PRMT8: variants seen among roughly 807,000 people sequenced by gnomAD.
PRMT8 encodes the protein protein arginine N-methyltransferase 8.
A neutral mutation model predicts 47.1 loss-of-function variants in PRMT8; 7 were observed. That is an observed-to-expected ratio of 0.15 (90% CI 0.08 to 0.28). The LOEUF (loss-of-function observed/expected upper bound fraction) is 0.28, where lower values mean the gene tolerates loss of function less well. Among genes scored for constraint, PRMT8 ranks in the 10% least tolerant of loss-of-function variants. The pLI, the probability that PRMT8 is intolerant of heterozygous loss-of-function variation, is 1.00. For missense variants in PRMT8, 237 were observed against 505.4 expected (o/e 0.47, Z 5.09); for synonymous variants, 188 against 186.5 (o/e 1.01, Z -0.07).
Position 3,491,333 on chromosome 12 carries a change from C to T in PRMT8, c.-293C>T, listed in dbSNP as rs1591567738. On this transcript the variant is annotated 5_prime_UTR_variant, in exon 1 of 10. Coordinates refer to ENST00000382622, the MANE Select transcript of PRMT8 (RefSeq NM_019854.5). Reference sequence around the variant, plus strand: ...GCCGCGGAGGCTTCGGGGCTGCTTCCCTCGAGCTTAGCCCGCAGCGCGGGT... The same window carrying T: ...GCCGCGGAGGCTTCGGGGCTGCTTCTCTCGAGCTTAGCCCGCAGCGCGGGT... The T allele has an allele frequency of 1.6e-5, 18 of 1,112,764 alleles. No individual in the cohort carries two copies. The highest frequency in any genetic ancestry group is 3.6e-5 in the South Asian group (1 of 27,860). The allele number at this position is 1,112,764 out of a possible 1,614,324, so 68.9% of individuals were successfully genotyped here.
At chr12:3,404,450 A>G (rs1456582459) in intron 1 of PRMT8, among the ~76,000 whole-genome samples, 1 of 152,226 alleles carries the variant, frequency 6.6e-6, no homozygotes, top group East Asian at 1.9e-4. Flanking sequence ...CTAAGTGAAC[A>G]TACTCATCTA....
chr12:3,466,043 A>G (rs1865094690), intron 1 of PRMT8, among the ~76,000 whole-genome samples: 1 of 152,150 alleles, frequency 6.6e-6, no homozygotes, highest in Non-Finnish European at 1.5e-5. Context: ...GAAAACTGTA[A>G]CATGCTGTAG....
rs771050366 is a variant in PRMT8 at position 3,576,488 on chromosome 12, T to C, written c.713-383T>C. The stretch of plus-strand genomic sequence containing the variant: ...TCGAGACAGCATAGGAATGGGAACG[T>C]AGAAGACAGATAAGGGAGTTCATAG... On this transcript the variant is annotated intron_variant, in intron 6 of 9. Transcript: ENST00000382622. This position sits in a 1 kb window ranked among gnomAD's most constrained non-coding sequence, Gnocchi z 4.0. Among the ~76,000 whole-genome samples, 92 of 152,244 alleles carry C rather than the reference T, an allele frequency of 6.0e-4. No homozygotes were observed. The highest frequency in any genetic ancestry group is 1.1e-3 in the Non-Finnish European group (77 of 67,998).
In PRMT8 at chr12:3,508,166, G is replaced by C. The variant is rs559129372; in HGVS notation, c.75+16466G>C. ...TAAGATTTTTTTCTGCCCAGTTGTTGTTTCACTTTTAGGAGAAAATTTATA... is the reference window on the plus strand; with the variant it reads ...TAAGATTTTTTTCTGCCCAGTTGTTCTTTCACTTTTAGGAGAAAATTTATA... On this transcript the variant is annotated intron_variant, in intron 1 of 9. Coordinates refer to ENST00000382622, the MANE Select transcript of PRMT8 (RefSeq NM_019854.5). The surrounding 1 kb of genome is among the most constrained non-coding windows in gnomAD (Gnocchi z 4.9). Among the ~76,000 whole-genome samples the C allele has an allele frequency of 6.6e-6, 1 of 152,154 alleles. No individual in the cohort carries two copies. The highest frequency in any genetic ancestry group is 1.9e-4 in the East Asian group (1 of 5,184).
At position 3,475,507 on chromosome 12, in the gene PRMT8, G is replaced by A. The variant is rs538031499; in HGVS notation, c.49-65099G>A. ...GCCTGCCTGTTTTTAGTTAGAGGGA[G>A]CTCTGGGGACTTTTTCTGCCTCGGG... is the stretch of plus-strand genomic sequence containing the variant. On this transcript the variant is annotated intron_variant, in intron 1 of 9. Coordinates refer to the PRMT8 transcript ENST00000452611. 6.3e-4 allele frequency among the ~76,000 whole-genome samples: 96 copies of A among 152,334 alleles called. 1 individual carries two copies. The highest frequency in any genetic ancestry group is 2.3e-3 in the African/African-American group (96 of 41,564).
At chr12:3,426,775 GC>G (rs1864609433) in intron 1 of PRMT8, among the ~76,000 whole-genome samples, 1 of 152,094 alleles carries the variant, frequency 6.6e-6, no homozygotes. Flanking sequence ...CTGAGACTAT[GC>G]CCTACAACTC....
intron 1 of PRMT8, among the ~76,000 whole-genome samples, chr12:3,510,378 C>T (rs1376842580): frequency 6.6e-6 from 1 of 152,100 alleles, no homozygotes; most frequent in East Asian, 1.9e-4. Flanking sequence ...CAATAATATA[C>T]TATACAGTTT....
chr12:3,553,554 C>A, intron 3 of PRMT8, 97 bp from the exon 4 acceptor site: 1 of 1,058,268 alleles, frequency 9.4e-7, no homozygotes, highest in South Asian at 1.3e-5. Flanking sequence ...AAGTCACCAC[C>A]CCTGTCTGGG....
chr12:3,510,792 G>A (rs1265762209), intron 1 of PRMT8, among the ~76,000 whole-genome samples: 1 of 152,122 alleles, frequency 6.6e-6, no homozygotes, highest in South Asian at 2.1e-4. Flanking sequence ...GAGGTCTTCA[G>A]GTCCACCTCC....
At chr12:3,537,287 A>C (rs867729747) in intron 1 of PRMT8, among the ~76,000 whole-genome samples, 1 of 152,226 alleles carries the variant, frequency 6.6e-6, no homozygotes, top group African/African-American at 2.4e-5. Flanking sequence ...TTTTTGTTGC[A>C]CATCAACCTG....
chr12:3,505,212 A>G (rs1187242585), intron 1 of PRMT8, among the ~76,000 whole-genome samples: 1 of 152,108 alleles, frequency 6.6e-6, no homozygotes, highest in Non-Finnish European at 1.5e-5. Context: ...CTATTCGGCC[A>G]TCTTGGCTCC....
rs1391053626 is a variant in PRMT8 at position 3,492,429 on chromosome 12, G to C, written c.75+729G>C. ...CAGCAGCCGAGCCTGCGCGGACTGTGGGGGCTGCGCGCCGCCGGCTGCAGT... is the reference window on the plus strand; with the variant it reads ...CAGCAGCCGAGCCTGCGCGGACTGTCGGGGCTGCGCGCCGCCGGCTGCAGT... On this transcript the variant is annotated intron_variant, in intron 1 of 9. Transcript: ENST00000382622. This position sits in a 1 kb window ranked among gnomAD's most constrained non-coding sequence, Gnocchi z 7.5. 6.6e-6 allele frequency among the ~76,000 whole-genome samples: 1 copy of C among 152,224 alleles called. No homozygotes were observed. The highest frequency in any genetic ancestry group is 1.5e-5 in the Non-Finnish European group (1 of 68,038).
In PRMT8 at chr12:3,576,866, C is replaced by G; in HGVS notation, c.713-5C>G. ...CTGCCTTCACGTCTTGCTCTGCTCC[C>G]ACAGGGTGGGAGAATGTCTATGGCT... On this transcript the variant is annotated splice_polypyrimidine_tract_variant and splice_region_variant and intron_variant, in intron 6 of 9. Coordinates refer to ENST00000382622, the MANE Select transcript of PRMT8 (RefSeq NM_019854.5). This position sits in a 1 kb window ranked among gnomAD's most constrained non-coding sequence, Gnocchi z 4.0. 1 of 1,613,470 alleles carries G rather than the reference C, an allele frequency of 6.2e-7. No homozygotes were observed. Among genetic ancestry groups the G allele is most frequent in the Non-Finnish European group, 8.5e-7 (1 of 1,179,476 alleles).
chr12:3,412,194 T>C (rs913729861), intron 1 of PRMT8, among the ~76,000 whole-genome samples: 1 of 152,188 alleles, frequency 6.6e-6, no homozygotes, highest in African/African-American at 2.4e-5. Flanking sequence ...CTGTGGGCAA[T>C]TGTAACACAA....
exon 1 of PRMT8, chr12:3,381,416 G>A (rs1337905837): frequency 6.5e-7 from 1 of 1,536,096 alleles, no homozygotes; most frequent in Admixed American, 2.0e-5. Flanking sequence ...GGCTTCAGAT[G>A]GATTCAAGCT....
At chr12:3,499,179 T>TA (rs1417317595) in intron 1 of PRMT8, among the ~76,000 whole-genome samples, 1 of 135,042 alleles carries the variant, frequency 7.4e-6, no homozygotes, top group Non-Finnish European at 1.5e-5. Context: ...ATTTATTTAT[T>TA]TTTTTTTTCC....
Position 3,593,543 on chromosome 12 carries a change from T to C in PRMT8, c.*361T>C, listed in dbSNP as rs911676845. The C allele has an allele frequency of 6.9e-5, 19 of 276,540 alleles. No individual in the cohort carries two copies. The highest frequency in any genetic ancestry group is 4.1e-4 in the African/African-American group (18 of 43,850). The allele number at this position is 276,540 out of a possible 1,614,324, so 17.1% of individuals were successfully genotyped here. On this transcript the variant is annotated 3_prime_UTR_variant, in exon 10 of 10. Transcript: ENST00000382622. The surrounding 1 kb of genome is among the most constrained non-coding windows in gnomAD (Gnocchi z 4.8). ...GCATGCTGCGGGTGTCTAGGACAGATTGCTTCCACTAGAACCTGGAGACAT... is the reference window on the plus strand; with the variant it reads ...GCATGCTGCGGGTGTCTAGGACAGACTGCTTCCACTAGAACCTGGAGACAT...
chr12:3,465,731 T>C (rs1259383555), intron 1 of PRMT8, among the ~76,000 whole-genome samples: 2 of 152,136 alleles, frequency 1.3e-5, no homozygotes, highest in African/African-American at 4.8e-5. Context: ...GGTAATTACA[T>C]GGGTGGGTTT....
rs118169883 is a variant in PRMT8 at position 3,454,839 on chromosome 12, G to C, written c.48+73397G>C. ...TTATAGTCACCCTAAGGGTCCTACA[G>C]ATAACAACTGGAGCAGTACGAAATG... On this transcript the variant is annotated intron_variant, in intron 1 of 9. Coordinates refer to the PRMT8 transcript ENST00000452611. 2.6e-5 allele frequency among the ~76,000 whole-genome samples: 4 copies of C among 152,286 alleles called. No homozygotes were observed. In the East Asian group the frequency reaches 7.7e-4, roughly 29 times the overall value.
Sources: allele counts gnomAD v4.1 joint callset (sites outside exome capture counted in the v4.1 genomes callset), GRCh38; gene constraint gnomAD v4.1.1; non-coding constraint Gnocchi (gnomAD v3.1); transcripts MANE v1.5; gene names NCBI Gene and HGNC (gene_info 2026-07-23, HGNC 2026-07-21).